Variants in RGS5 observed in about 807,000 individuals in gnomAD.
RGS5 encodes the protein regulator of G-protein signalling 5.
In RGS5, 20 loss-of-function variants were observed where a neutral mutation model predicts 18.9. The ratio of observed to expected loss-of-function variants is 1.06; its 90% CI spans 0.74 to 1.54. The LOEUF is 1.54. Among genes scored for constraint, RGS5 ranks in the 40% most tolerant of loss-of-function variants. The probability of loss-of-function intolerance (pLI) is 0.00; values close to 1 mark genes in which losing one functional copy is unlikely to be tolerated. For missense variants in RGS5, 201 were observed against 211.8 expected (o/e 0.95, Z 0.32); for synonymous variants, 57 against 76.2 (o/e 0.75, Z 1.31).
chr1:163,246,403 T>C (rs926767221), intron 2 of RGS5, among the ~76,000 whole-genome samples: 1 of 151,068 alleles, frequency 6.6e-6, no homozygotes, highest in Non-Finnish European at 1.5e-5. Flanking sequence ...ACCCCATCTC[T>C]ACTAAAAAAT....
Position 163,152,620 on chromosome 1 carries a change from G to C in RGS5, c.314C>G (p.Ser105Cys), listed in dbSNP as rs1657417847. 1 of 1,612,806 alleles carries C rather than the reference G, an allele frequency of 6.2e-7. No individual in the cohort carries two copies. Among genetic ancestry groups the C allele is most frequent in the East Asian group, 2.2e-5 (1 of 44,846 alleles). The part of the protein sequence containing the change: ...IACEDYKKIK[S>C]PAKMAEKAKQ... Reference sequence around the variant, plus strand: ...TGCCTTCTCAGCCATCTTGGCAGGGGACTTGATCTTCTTGTAATCCTCACA... The same window carrying C: ...TGCCTTCTCAGCCATCTTGGCAGGGCACTTGATCTTCTTGTAATCCTCACA... The change falls in exon 4 of 5, where the codon TCC becomes TGC. Residue 105 changes from serine to cysteine, a missense_variant. Coordinates refer to ENST00000313961, the MANE Select transcript of RGS5 (RefSeq NM_003617.4).
chr1:163,301,416 C>T (rs1480666253), intron 2 of RGS5, among the ~76,000 whole-genome samples: 1 of 152,028 alleles, frequency 6.6e-6, no homozygotes, highest in Non-Finnish European at 1.5e-5. Flanking sequence ...CACTGCAGCC[C>T]AGGCCTCTTG....
intron 2 of RGS5, among the ~76,000 whole-genome samples, chr1:163,167,801 A>G (rs1658117212): frequency 6.6e-6 from 1 of 152,172 alleles, no homozygotes; most frequent in Non-Finnish European, 1.5e-5. Context: ...CCTTGTCCTT[A>G]GTATCTTTCT....
intron 2 of RGS5, among the ~76,000 whole-genome samples, chr1:163,250,681 C>A (rs1397620216): frequency 1.3e-5 from 2 of 151,910 alleles, no homozygotes; most frequent in East Asian, 3.9e-4. Flanking sequence ...GCAGAAAGAC[C>A]CCGAAAAAAT....
chr1:163,272,340 T>C (rs567970037), intron 2 of RGS5, among the ~76,000 whole-genome samples: 35 of 152,128 alleles, frequency 2.3e-4, no homozygotes, highest in Non-Finnish European at 3.5e-4. Flanking sequence ...GCAAATATCT[T>C]CTGCTAGTGT....
At chr1:163,313,789 G>A (rs1188744019) in intron 1 of RGS5, among the ~76,000 whole-genome samples, 1 of 152,128 alleles carries the variant, frequency 6.6e-6, no homozygotes, top group Non-Finnish European at 1.5e-5. Flanking sequence ...GATAAAATCT[G>A]TAGAACATAA....
intron 2 of RGS5, among the ~76,000 whole-genome samples, chr1:163,232,127 G>T (rs1647498919): frequency 6.6e-6 from 1 of 152,168 alleles, no homozygotes; most frequent in African/African-American, 2.4e-5. Context: ...GGGTGGGGAA[G>T]GATGGGCACT....
chr1:163,253,099 G>T (rs188824881), intron 2 of RGS5, among the ~76,000 whole-genome samples: 2 of 152,102 alleles, frequency 1.3e-5, no homozygotes, highest in South Asian at 4.1e-4. Context: ...ATTTCACTAG[G>T]ATGAACAAAT....
chr1:163,254,570 G>T (rs1348267067), intron 2 of RGS5, among the ~76,000 whole-genome samples: 2 of 152,126 alleles, frequency 1.3e-5, no homozygotes, highest in African/African-American at 4.8e-5. Context: ...TGAGTAGGTT[G>T]TGAAAATTTT....
At chr1:163,190,897 A>G (rs1265020328) in intron 1 of RGS5, among the ~76,000 whole-genome samples, 1 of 152,158 alleles carries the variant, frequency 6.6e-6, no homozygotes, top group Non-Finnish European at 1.5e-5. Context: ...GCTTTATGGA[A>G]ATGACTATGG....
At chr1:163,273,664 T>C (rs576550092) in intron 2 of RGS5, among the ~76,000 whole-genome samples, 2 of 152,172 alleles carry the variant, frequency 1.3e-5, no homozygotes, top group Non-Finnish European at 2.9e-5. Flanking sequence ...ATCTAACATA[T>C]AGGACCACTC....
chr1:163,252,791 G>A (rs926367219), intron 2 of RGS5, among the ~76,000 whole-genome samples: 43 of 152,216 alleles, frequency 2.8e-4, no homozygotes, highest in Admixed American at 2.8e-3. Context: ...GGAGTTGGTT[G>A]GAAAATGCCA....
chr1:163,288,607 G>T (rs992513806), intron 2 of RGS5, among the ~76,000 whole-genome samples: 1 of 152,030 alleles, frequency 6.6e-6, no homozygotes, highest in African/African-American at 2.4e-5. Context: ...GTATGTGTTT[G>T]TGTATGTTTT....
chr1:163,297,483 C>G (rs1348092424), intron 2 of RGS5, among the ~76,000 whole-genome samples: 3 of 152,132 alleles, frequency 2.0e-5, no homozygotes, highest in Non-Finnish European at 4.4e-5. Context: ...GACTCCCTTT[C>G]CCTAATTAGG....
chr1:163,213,003 T>A (rs1188050548), intron 1 of RGS5: 1 of 152,196 alleles, frequency 6.6e-6, no homozygotes, highest in African/African-American at 2.4e-5. Context: ...TTCAATGAAA[T>A]TGAACTGTAG....
Position 163,172,237 on chromosome 1 carries a change from A to T in RGS5, c.45-3869T>A, listed in dbSNP as rs78911282. Among the ~76,000 whole-genome samples the T allele has an allele frequency of 4.7e-3, 718 of 152,334 alleles. 1 individual carries two copies. Among genetic ancestry groups the T allele is most frequent in the Middle Eastern group, 0.014 (4 of 294 alleles). Reference sequence around the variant, plus strand: ...GTTGGTATGAAAACAAACAAGAGATAAAACTATTGAAAAGCGCCTTTCAAA... The same window carrying T: ...GTTGGTATGAAAACAAACAAGAGATTAAACTATTGAAAAGCGCCTTTCAAA... On this transcript the variant is annotated intron_variant, in intron 1 of 4. Coordinates refer to ENST00000313961, the MANE Select transcript of RGS5 (RefSeq NM_003617.4).
chr1:163,308,289 C>G (rs1338157301), intron 1 of RGS5, among the ~76,000 whole-genome samples: 6 of 152,122 alleles, frequency 3.9e-5, no homozygotes, highest in Admixed American at 3.3e-4. Flanking sequence ...TAACCCCTCC[C>G]CATTTCAGTG....
intron 2 of RGS5, among the ~76,000 whole-genome samples, chr1:163,253,796 C>T (rs1648186565): frequency 7.0e-6 from 1 of 142,410 alleles, no homozygotes; most frequent in Admixed American, 7.1e-5. Flanking sequence ...GCTATCCCTC[C>T]CCCCTCCCCA....
chr1:163,181,920 C>T (rs969455299), intron 1 of RGS5, among the ~76,000 whole-genome samples: 3 of 151,904 alleles, frequency 2.0e-5, no homozygotes, highest in African/African-American at 4.8e-5. Flanking sequence ...ATTTAAATTC[C>T]GACCCTTCAT....
Sources: allele counts gnomAD v4.1 joint callset (sites outside exome capture counted in the v4.1 genomes callset), GRCh38; gene constraint gnomAD v4.1.1; transcripts MANE v1.5; gene names NCBI Gene and HGNC (gene_info 2026-07-23, HGNC 2026-07-21).